CAMKMT: variants seen among roughly 807,000 people sequenced by gnomAD.
CAMKMT encodes calmodulin-lysine N-methyltransferase, also known as CaM KMT.
CAMKMT carries 53 observed loss-of-function variants against 48.0 expected under a neutral mutation model. The ratio of observed to expected loss-of-function variants is 1.10; its 90% CI spans 0.89 to 1.39. The LOEUF is 1.39. Ranked by LOEUF, CAMKMT falls within the 40% of genes most tolerant of loss-of-function variation. The pLI is 0.00. For missense variants in CAMKMT, 428 were observed against 402.7 expected, an observed-to-expected ratio of 1.06 and a Z score of -0.54; for synonymous variants, 165 against 152.3, an observed-to-expected ratio of 1.08 and a Z score of -0.61.
At chr2:44,592,203 T>TA (rs1352142132) in intron 3 of CAMKMT, among the ~76,000 whole-genome samples, 1 of 152,018 alleles carries the variant, frequency 6.6e-6, no homozygotes, top group East Asian at 1.9e-4. Flanking sequence ...CCCTAAAACT[T>TA]AAAGTATAAT....
intron 1 of CAMKMT, among the ~76,000 whole-genome samples, chr2:44,364,760 A>G (rs1678409993): frequency 6.6e-6 from 1 of 152,230 alleles, no homozygotes; most frequent in South Asian, 2.1e-4. Flanking sequence ...TGACCGACAT[A>G]GGCTGTAGTC....
At chr2:44,747,824 A>G (rs1039083628) in intron 8 of CAMKMT, among the ~76,000 whole-genome samples, 2 of 152,232 alleles carry the variant, frequency 1.3e-5, no homozygotes, top group African/African-American at 4.8e-5. Flanking sequence ...GATTCAGATC[A>G]ATGGAAGAAA....
intron 3 of CAMKMT, among the ~76,000 whole-genome samples, chr2:44,469,723 G>A (rs1040838209): frequency 2.6e-5 from 4 of 151,666 alleles, no homozygotes; most frequent in Admixed American, 6.6e-5. Context: ...AATGTTGTAC[G>A]CTTATCATCA....
intron 3 of CAMKMT, among the ~76,000 whole-genome samples, chr2:44,615,868 G>A (rs1671861211): frequency 6.6e-6 from 1 of 152,084 alleles, no homozygotes; most frequent in African/African-American, 2.4e-5. Flanking sequence ...GAAGACTCCA[G>A]GCAGAGGCAC....
In CAMKMT at chr2:44,475,525, C is replaced by T. The variant is rs573807215; in HGVS notation, c.376+85220C>T. ...TAGAGATGGGGTTTCACCATGTTGG[C>T]CAGGATGGTCTTGATCTCTTCACCT... On this transcript the variant is annotated intron_variant, in intron 3 of 10. Coordinates refer to ENST00000378494, the MANE Select transcript of CAMKMT (RefSeq NM_024766.5). 2.2e-4 allele frequency among the ~76,000 whole-genome samples: 34 copies of T among 152,134 alleles called. No individual in the cohort carries two copies. In the South Asian group the frequency reaches 3.7e-3, roughly 17 times the overall value.
intron 3 of CAMKMT, among the ~76,000 whole-genome samples, chr2:44,648,645 C>T (rs767284215): frequency 2.6e-4 from 39 of 152,194 alleles, no homozygotes; most frequent in Non-Finnish European, 5.4e-4. Flanking sequence ...TGAGTCTTAA[C>T]TCCTTCACCA....
At chr2:44,472,882 A>C (rs186852301) in intron 3 of CAMKMT, among the ~76,000 whole-genome samples, 110 of 152,244 alleles carry the variant, frequency 7.2e-4, no homozygotes, top group African/African-American at 2.5e-3. Flanking sequence ...ATCAAGTTGC[A>C]TTTTTTCTAG....
intron 2 of CAMKMT, among the ~76,000 whole-genome samples, chr2:44,380,814 C>A (rs1307340936): frequency 6.6e-6 from 1 of 152,024 alleles, no homozygotes; most frequent in Non-Finnish European, 1.5e-5. Context: ...TACTGTTTCT[C>A]CACTGCCTAC....
chr2:44,631,410 A>G, intron 3 of CAMKMT: 1 of 532,086 alleles, frequency 1.9e-6, no homozygotes, highest in South Asian at 2.6e-5. Context: ...TAATAATAGT[A>G]ATAATAATAA....
intron 3 of CAMKMT, among the ~76,000 whole-genome samples, chr2:44,486,179 C>G (rs1052198144): frequency 2.6e-5 from 4 of 152,096 alleles, no homozygotes; most frequent in African/African-American, 4.8e-5. Flanking sequence ...GTTGGCCAGG[C>G]TGGCCTTGAA....
rs1191887395 is a variant in CAMKMT at position 44,362,064 on chromosome 2, G to A, written c.57G>A (p.Gly19=). ...GCGAGACCGCGCGAGCAGCGGGCGG[G>A]AGTCCGGCAGTTGGCTGCACCACTC... ...GTGETARAAG[G]SPAVGCTTRG... is the part of the protein sequence containing the mutation. Residue 19 remains glycine, a synonymous_variant, in exon 1 of 11, where the codon GGG becomes GGA. Coordinates refer to ENST00000378494, the MANE Select transcript of CAMKMT (RefSeq NM_024766.5). The A allele has an allele frequency of 1.4e-6, 2 of 1,442,240 alleles. No individual in the cohort carries two copies. Among genetic ancestry groups the A allele is most frequent in the East Asian group, 6.0e-5 (2 of 33,530 alleles). 89.3% of individuals were successfully genotyped at this position (1,442,240 alleles called of 1,614,324 possible).
chr2:44,552,358 A>C (rs982457199), intron 3 of CAMKMT, among the ~76,000 whole-genome samples: 4 of 152,196 alleles, frequency 2.6e-5, no homozygotes, highest in African/African-American at 9.7e-5. Context: ...CATTAACAAG[A>C]CAGGCAAACT....
At chr2:44,615,404 C>T (rs562325241) in intron 3 of CAMKMT, among the ~76,000 whole-genome samples, 1 of 151,908 alleles carries the variant, frequency 6.6e-6, no homozygotes. Context: ...ACGGCTATGG[C>T]CAGGGGAATC....
At chr2:44,664,946 G>C (rs1674879134) in intron 3 of CAMKMT, among the ~76,000 whole-genome samples, 2 of 152,052 alleles carry the variant, frequency 1.3e-5, no homozygotes, top group Admixed American at 6.6e-5. Flanking sequence ...ATACTGGAAG[G>C]GCCCTATAAA....
chr2:44,546,828 T>C (rs1667436825), intron 3 of CAMKMT, among the ~76,000 whole-genome samples: 1 of 152,228 alleles, frequency 6.6e-6, no homozygotes. Flanking sequence ...GTAATGTTTT[T>C]CTCACTTAAT....
chr2:44,368,256 A>C (rs1000784829), intron 1 of CAMKMT, among the ~76,000 whole-genome samples: 1 of 152,204 alleles, frequency 6.6e-6, no homozygotes, highest in African/African-American at 2.4e-5. Flanking sequence ...GGGTATTTGA[A>C]GGAGGTCTTC....
intron 3 of CAMKMT, among the ~76,000 whole-genome samples, chr2:44,536,750 C>T (rs1572741146): frequency 1.3e-5 from 2 of 152,102 alleles, no homozygotes; most frequent in South Asian, 4.1e-4. Flanking sequence ...ATCATACTAC[C>T]TGACTTTAAA....
chr2:44,475,121 A>G (rs1668620660), intron 3 of CAMKMT, among the ~76,000 whole-genome samples: 1 of 152,186 alleles, frequency 6.6e-6, no homozygotes. Flanking sequence ...TCCATGTTCC[A>G]TTATTTCTTT....
chr2:44,545,062 T>A (rs1667323178), intron 3 of CAMKMT, among the ~76,000 whole-genome samples: 1 of 152,216 alleles, frequency 6.6e-6, no homozygotes, highest in Non-Finnish European at 1.5e-5. Flanking sequence ...CTTTCAAGCT[T>A]TAGATGACAA....
Sources: gnomAD v4.1 joint callset for allele counts (sites outside exome capture counted in the v4.1 genomes callset) on GRCh38, gnomAD v4.1.1 for gene constraint, MANE v1.5 for transcripts, NCBI Gene and HGNC (gene_info 2026-07-23, HGNC 2026-07-21) for gene names.